The following KLF12 variants were observed in gnomAD, a reference collection of about 807,000 sequenced individuals.
KLF12 encodes Krueppel-like factor 12.
A neutral mutation model predicts 37.8 loss-of-function variants in KLF12; 9 were observed. The ratio of observed to expected loss-of-function variants is 0.24; its 90% CI spans 0.14 to 0.42. The LOEUF (loss-of-function observed/expected upper bound fraction) is 0.42, where lower values mean the gene tolerates loss of function less well. Ranked by LOEUF, KLF12 falls within the 10% of genes least tolerant of loss-of-function variation. KLF12 has a pLI of 1.00. For synonymous variants in KLF12, 208 were observed against 202.1 expected (o/e 1.03, Z -0.25); for missense variants, 411 against 516.0 (o/e 0.80, Z 1.97).
chr13:74,069,301 C>T (rs186374385), intron 1 of KLF12, among the ~76,000 whole-genome samples: 3 of 152,178 alleles, frequency 2.0e-5, no homozygotes, highest in East Asian at 1.9e-4. Context: ...GACTATGCAC[C>T]GATCCTGGAA....
At chr13:74,087,357 G>C (rs1444198101) in intron 1 of KLF12, among the ~76,000 whole-genome samples, 1 of 151,088 alleles carries the variant, frequency 6.6e-6, no homozygotes, top group East Asian at 1.9e-4. Context: ...TTTTTTGAGA[G>C]AATTTTCTCA....
the KLF12 span, among the ~76,000 whole-genome samples, chr13:74,255,842 G>T: frequency 3.2e-3 from 480 of 152,270 alleles, 3 homozygotes; most frequent in African/African-American, 0.011. Flanking sequence ...TGACTGAGAT[G>T]ACATCTACTA....
At chr13:74,042,286 A>G (rs978671729) in intron 1 of KLF12, among the ~76,000 whole-genome samples, 3 of 150,496 alleles carry the variant, frequency 2.0e-5, no homozygotes, top group African/African-American at 7.4e-5. Context: ...CCTGGGTGAC[A>G]AAGCGAGACT....
chr13:73,915,597 C>G (rs1050360559), intron 3 of KLF12, among the ~76,000 whole-genome samples: 35 of 151,956 alleles, frequency 2.3e-4, no homozygotes, highest in African/African-American at 8.0e-4. Context: ...ACTGCAAGCT[C>G]CACCTCCCAG....
At chr13:74,125,137 T>TC (rs1452785706) in intron 1 of KLF12, among the ~76,000 whole-genome samples, 7 of 100,744 alleles carry the variant, frequency 6.9e-5, no homozygotes, top group Non-Finnish European at 1.6e-4. Context: ...AGAGCAAGAC[T>TC]CCGTTTCAAA....
At chr13:73,964,310 C>T (rs1269968319) in intron 2 of KLF12, among the ~76,000 whole-genome samples, 1 of 152,150 alleles carries the variant, frequency 6.6e-6, no homozygotes, top group African/African-American at 2.4e-5. Flanking sequence ...CAACAGTGAG[C>T]ATCTTACTGG....
chr13:74,180,428 T>C, the KLF12 span, among the ~76,000 whole-genome samples: 711 of 152,338 alleles, frequency 4.7e-3, 7 homozygotes, highest in African/African-American at 0.017. Flanking sequence ...AAGTGACCTA[T>C]TTAGCATTTG....
chr13:73,923,186 A>T (rs941704375), intron 3 of KLF12, among the ~76,000 whole-genome samples: 1 of 152,202 alleles, frequency 6.6e-6, no homozygotes, highest in African/African-American at 2.4e-5. Context: ...TAAAATGTCA[A>T]TGACTAAAAT....
chr13:74,205,531 A>T, the KLF12 span, among the ~76,000 whole-genome samples: 2 of 152,138 alleles, frequency 1.3e-5, no homozygotes, highest in African/African-American at 4.8e-5. Flanking sequence ...CTAAAAATTG[A>T]TGTTGGCTCA....
intron 6 of KLF12, among the ~76,000 whole-genome samples, chr13:73,755,620 T>TC (rs1324152318): frequency 5.7e-5 from 4 of 69,624 alleles, no homozygotes; most frequent in South Asian, 3.8e-4. Context: ...ACTTTCTCTC[T>TC]TTTTTTTTTT....
the KLF12 span, among the ~76,000 whole-genome samples, chr13:74,175,852 A>G: frequency 1.3e-5 from 2 of 152,190 alleles, no homozygotes; most frequent in Non-Finnish European, 2.9e-5. Flanking sequence ...CCTTGATGCC[A>G]GCTAATTCCA....
At chr13:73,853,560 A>T (rs1319611685) in intron 3 of KLF12, among the ~76,000 whole-genome samples, 1 of 152,144 alleles carries the variant, frequency 6.6e-6, no homozygotes, top group Non-Finnish European at 1.5e-5. Flanking sequence ...AACATGGTGA[A>T]ACCCTGTCTC....
the KLF12 span, among the ~76,000 whole-genome samples, chr13:74,255,102 T>C: frequency 1.3e-5 from 2 of 152,298 alleles, no homozygotes; most frequent in East Asian, 3.9e-4. Flanking sequence ...TTTTAGAAAT[T>C]TAGCATTAAA....
At chr13:74,134,600 A>G (rs535752226), upstream of KLF12, among the ~76,000 whole-genome samples, 53 of 145,132 alleles carry the variant, frequency 3.7e-4, no homozygotes, top group African/African-American at 1.3e-3. Flanking sequence ...TTTCACCTGC[A>G]CCACTTTGCT....
chr13:74,007,544 GGATTACAGGCGTGAGCCACCGC>G (rs1478052590), intron 1 of KLF12, among the ~76,000 whole-genome samples: 1 of 152,030 alleles, frequency 6.6e-6, no homozygotes, highest in African/African-American at 2.4e-5. Context: ...CAGTGTGCTG[GGATTACAGGCGTGAGCCACCGC>G]GGCCGGCCAA....
intron 5 of KLF12, chr13:73,800,060 A>T (rs1229382615): frequency 6.6e-6 from 1 of 152,072 alleles, no homozygotes; most frequent in Non-Finnish European, 1.5e-5. Flanking sequence ...ACAATAGCTG[A>T]TTATATTTTT....
intron 3 of KLF12, among the ~76,000 whole-genome samples, chr13:73,935,672 G>A (rs1889896553): frequency 6.6e-6 from 1 of 152,230 alleles, no homozygotes; most frequent in Non-Finnish European, 1.5e-5. Context: ...GTGTTGCTCA[G>A]GCTGGCGTGC....
At chr13:73,831,274 C>T (rs1435388046) in intron 4 of KLF12, among the ~76,000 whole-genome samples, 1 of 152,050 alleles carries the variant, frequency 6.6e-6, no homozygotes, top group Non-Finnish European at 1.5e-5. Context: ...TTAAGCTGTG[C>T]CCTTATAAGT....
At chr13:73,817,069 C>A (rs1883261412) in intron 4 of KLF12, among the ~76,000 whole-genome samples, 1 of 152,158 alleles carries the variant, frequency 6.6e-6, no homozygotes. Flanking sequence ...GTAATCCCAG[C>A]ACCTTAGGAG....
Sources: gnomAD v4.1 joint callset for allele counts (sites outside exome capture counted in the v4.1 genomes callset) on GRCh38, gnomAD v4.1.1 for gene constraint, MANE v1.5 for transcripts, NCBI Gene and HGNC (gene_info 2026-07-23, HGNC 2026-07-21) for gene names.